Variants in COL6A5 observed in about 807,000 individuals in gnomAD.
The protein encoded by COL6A5 is collagen alpha-5(VI) chain.
Under a neutral mutation model 65.6 loss-of-function variants are expected in COL6A5, and 48 were observed. The observed-to-expected ratio is 0.73, with a 90% CI of 0.58 to 0.93. The LOEUF (loss-of-function observed/expected upper bound fraction) is 0.93. Ranked by LOEUF, COL6A5 falls within the 40% of genes least tolerant of loss-of-function variation. The pLI is 0.00. For missense variants in COL6A5, 914 were observed against 928.3 expected, an observed-to-expected ratio of 0.98 and a Z score of 0.20; for synonymous variants, 291 against 322.8, an observed-to-expected ratio of 0.90 and a Z score of 1.05.
intron 13 of COL6A5, 102 bp from the exon 14 acceptor site, chr3:130,405,486 T>C (rs1435865340): frequency 7.2e-6 from 5 of 699,064 alleles, no homozygotes; most frequent in Non-Finnish European, 4.9e-6. Flanking sequence ...TTTCTAAAGC[T>C]CATAGTGCCC....
rs1936893344 is a variant in COL6A5, at chr3:130,403,732, C to A, written c.4281+70C>A. ...GTACACACACACACACACACACAAA[C>A]ACACACTTATTTTCTTTTTCATAAA... On this transcript the variant is annotated intron_variant and NMD_transcript_variant, in intron 13 of 41. Coordinates refer to the COL6A5 transcript ENST00000312481. 10 of 1,075,120 alleles carry A rather than the reference C, an allele frequency of 9.3e-6. No individual in the cohort carries two copies. In the Admixed American group the frequency reaches 9.4e-5, roughly 10 times the overall value. 66.6% of individuals were successfully genotyped at this position (1,075,120 alleles called of 1,614,324 possible).
intron 1 of COL6A5, 95 bp downstream of exon 33, chr3:130,432,044 G>T: frequency 7.6e-7 from 1 of 1,308,258 alleles, no homozygotes; most frequent in East Asian, 2.5e-5. Context: ...AGAAATATAT[G>T]TGGCCTCTTG....
chr3:130,411,819 C>T (rs1272179170), intron 20 of COL6A5, among the ~76,000 whole-genome samples: 1 of 152,072 alleles, frequency 6.6e-6, no homozygotes, highest in Non-Finnish European at 1.5e-5. Flanking sequence ...ATGAGGCTCT[C>T]GGCCCCCTCC....
In COL6A5 at chr3:130,376,627, C is replaced by G. The variant is rs933460620; in HGVS notation, c.458C>G (p.Ala153Gly). 5.0e-6 allele frequency: 8 copies of G among 1,611,214 alleles called. No individual in the cohort carries two copies. The African/African-American group carries it at 1.1e-4, about 22-fold the overall frequency. ...GAGTCTGAGGATGAAGTGGAAGAGG[C>G]TTCGAAAGCCCTGCAGAAAGACGGG... The change falls in exon 3 of 42, where the codon GCT becomes GGT. Residue 153 changes from alanine to glycine, a missense_variant and NMD_transcript_variant. By Grantham distance (60) the Ala-to-Gly change is moderately conservative. Coordinates refer to the COL6A5 transcript ENST00000312481.
At chr3:130,410,892 C>T (rs978733246) in intron 20 of COL6A5, among the ~76,000 whole-genome samples, 1 of 152,146 alleles carries the variant, frequency 6.6e-6, no homozygotes, top group East Asian at 1.9e-4. Context: ...ACATAGTTGG[C>T]CTTTCCCTTT....
intron 1 of COL6A5, among the ~76,000 whole-genome samples, chr3:130,353,369 G>A (rs1025034590): frequency 2.2e-4 from 33 of 152,130 alleles, no homozygotes; most frequent in Non-Finnish European, 1.2e-4. Flanking sequence ...AGAAGCATTT[G>A]TTACGTGCAA....
At chr3:130,388,782 G>A in exon 6 of COL6A5, 1 of 1,551,298 alleles carries the variant, frequency 6.4e-7, no homozygotes, top group Non-Finnish European at 8.7e-7. Context: ...ATTTTACACA[G>A]CAAGAAATTT....
chr3:130,402,751 A>C (rs372029969), intron 12 of COL6A5, among the ~76,000 whole-genome samples: 1 of 152,182 alleles, frequency 6.6e-6, no homozygotes, highest in African/African-American at 2.4e-5. Context: ...TATATATATA[A>C]AAATTATAAT....
exon 4 of COL6A5, chr3:130,379,820 C>T: frequency 1.3e-6 from 2 of 1,551,352 alleles, no homozygotes; most frequent in Non-Finnish European, 1.7e-6. Flanking sequence ...GTGCATGATG[C>T]TGCGCTGAAC....
At chr3:130,447,778 G>A (rs978509275) in intron 4 of COL6A5, among the ~76,000 whole-genome samples, 6 of 152,058 alleles carry the variant, frequency 3.9e-5, no homozygotes, top group African/African-American at 7.2e-5. Flanking sequence ...TAACTCCGCC[G>A]TTTGAGCAGA....
intron 3 of COL6A5, among the ~76,000 whole-genome samples, chr3:130,441,516 A>C (rs1458165467): frequency 6.6e-6 from 1 of 152,214 alleles, no homozygotes; most frequent in Non-Finnish European, 1.5e-5. Flanking sequence ...GCTGCAGCGT[A>C]CAGTTGCATG....
At chr3:130,439,791 A>G (rs1457850680) in intron 2 of COL6A5, among the ~76,000 whole-genome samples, 176 bp downstream of exon 34, 2 of 152,184 alleles carry the variant, frequency 1.3e-5, no homozygotes, top group Non-Finnish European at 2.9e-5. Context: ...TGGAGTTTCC[A>G]TAGAATGTGA....
intron 1 of COL6A5, among the ~76,000 whole-genome samples, chr3:130,365,498 C>G (rs1032736240): frequency 6.6e-6 from 1 of 152,120 alleles, no homozygotes; most frequent in Admixed American, 6.6e-5. Flanking sequence ...GGGATGGTCT[C>G]GATCTCCTGA....
chr3:130,425,502 G>A lies in COL6A5; in HGVS notation c.5164-712G>A, dbSNP rs533695107. Among the ~76,000 whole-genome samples the A allele has an allele frequency of 3.9e-5, 6 of 152,100 alleles. No homozygotes were observed. The South Asian group carries it at 1.0e-3, about 26-fold the overall frequency. ...AAATATATTAAGAATCACAGCCAAG[G>A]AGAAGCCTGATCCTAATTAATGGAA... is the stretch of plus-strand genomic sequence containing the variant. On this transcript the variant is annotated intron_variant and NMD_transcript_variant, in intron 29 of 41. Coordinates refer to the COL6A5 transcript ENST00000312481.
chr3:130,420,140 A>AGAAAGAAG (rs1398563345), intron 25 of COL6A5, among the ~76,000 whole-genome samples: 1 of 51,082 alleles, frequency 2.0e-5, no homozygotes, highest in Non-Finnish European at 8.5e-5. Flanking sequence ...AAGGAAAGGA[A>AGAAAGAAG]GAAAGAAGGA....
exon 4 of COL6A5, chr3:130,379,742 G>A (rs1284452247): frequency 3.2e-6 from 5 of 1,551,334 alleles, no homozygotes; most frequent in Non-Finnish European, 4.4e-6. Flanking sequence ...GAGTCATATG[G>A]CAGCAGAAGA....
chr3:130,444,015 C>T (rs1455929353), intron 4 of COL6A5, among the ~76,000 whole-genome samples: 1 of 152,034 alleles, frequency 6.6e-6, no homozygotes, highest in Non-Finnish European at 1.5e-5. Context: ...TTTTAGAGGC[C>T]CACCCTCAGG....
chr3:130,414,213 A>T, intron 22 of COL6A5, 82 bp downstream of exon 22: 1 of 1,122,060 alleles, frequency 8.9e-7, no homozygotes, highest in South Asian at 1.4e-5. Context: ...CTGTATAAAA[A>T]TAAATAACTG....
At chr3:130,363,650 C>T (rs1051718342) in intron 1 of COL6A5, among the ~76,000 whole-genome samples, 1 of 152,196 alleles carries the variant, frequency 6.6e-6, no homozygotes, top group African/African-American at 2.4e-5. Context: ...TTCCATTCCC[C>T]TCACCCTGCT....
Sources: allele counts gnomAD v4.1 joint callset (sites outside exome capture counted in the v4.1 genomes callset), GRCh38; gene constraint gnomAD v4.1.1; transcripts MANE v1.5; gene names NCBI Gene and HGNC (gene_info 2026-07-23, HGNC 2026-07-21).